The following PRKCE variants were observed in gnomAD, a reference collection of about 807,000 sequenced individuals.
PRKCE encodes protein kinase C epsilon type.
A neutral mutation model predicts 85.4 loss-of-function variants in PRKCE; 16 were observed. That is an observed-to-expected ratio of 0.19 (90% CI 0.13 to 0.28). PRKCE has a LOEUF of 0.28. PRKCE is among the 10% of genes least tolerant of loss of function. The pLI, the probability that PRKCE is intolerant of heterozygous loss-of-function variation, is 1.00. For synonymous variants in PRKCE, 388 were observed against 371.5 expected (o/e 1.04, Z -0.51); for missense variants, 573 against 975.2 (o/e 0.59, Z 5.49).
At chr2:45,836,884 G>A (rs1690925277) in intron 1 of PRKCE, among the ~76,000 whole-genome samples, 1 of 152,174 alleles carries the variant, frequency 6.6e-6, no homozygotes, top group Admixed American at 6.5e-5. Flanking sequence ...TTGCCCTTTT[G>A]CCTCTCTCCA....
chr2:46,154,929 C>T (rs1677052023), intron 13 of PRKCE, among the ~76,000 whole-genome samples: 2 of 152,290 alleles, frequency 1.3e-5, no homozygotes, highest in Admixed American at 1.3e-4. Flanking sequence ...TTCTCAGACG[C>T]GTCCCAAGGG....
intron 2 of PRKCE, among the ~76,000 whole-genome samples, chr2:45,854,858 C>G (rs1466645215): frequency 6.6e-6 from 1 of 152,118 alleles, no homozygotes; most frequent in African/African-American, 2.4e-5. Context: ...TTCTGTGGCT[C>G]CTCTTGCAGC....
chr2:46,162,059 G>T (rs188757776), intron 14 of PRKCE, among the ~76,000 whole-genome samples: 1 of 152,270 alleles, frequency 6.6e-6, no homozygotes, highest in East Asian at 1.9e-4. Context: ...CCACTAACAC[G>T]CAGGCATTGC....
intron 13 of PRKCE, among the ~76,000 whole-genome samples, chr2:46,157,129 A>G (rs1390626107): frequency 6.6e-6 from 1 of 151,828 alleles, no homozygotes; most frequent in African/African-American, 2.4e-5. Flanking sequence ...ACTGCAGAGG[A>G]CTCTCTTGGG....
intron 3 of PRKCE, among the ~76,000 whole-genome samples, chr2:45,977,099 G>T (rs1558910083): frequency 6.6e-6 from 1 of 152,098 alleles, no homozygotes; most frequent in Non-Finnish European, 1.5e-5. Context: ...GTTTCGCCAT[G>T]TTGGCCAGGC....
In PRKCE at chr2:45,691,160, C is replaced by T. The variant is rs528195003; in HGVS notation, c.348+38712C>T. On this transcript the variant is annotated intron_variant, in intron 1 of 14. Transcript: ENST00000306156. The stretch of plus-strand genomic sequence containing the variant: ...AATGGGGCCTTTGGAAACCAGCGAG[C>T]TGTGTCCGTCAGTGGGCTGGGCGGT... Among the ~76,000 whole-genome samples, 4 of 152,294 alleles carry T rather than the reference C, an allele frequency of 2.6e-5. No homozygotes were observed. In the East Asian group the frequency reaches 7.7e-4, roughly 29 times the overall value.
At chr2:45,880,813 A>C (rs1385898797) in intron 2 of PRKCE, among the ~76,000 whole-genome samples, 1 of 152,228 alleles carries the variant, frequency 6.6e-6, no homozygotes, top group Non-Finnish European at 1.5e-5. Flanking sequence ...ATCATAGATC[A>C]GTAAGTACGA....
chr2:45,752,947 G>A (rs1683703392), intron 1 of PRKCE, among the ~76,000 whole-genome samples: 1 of 152,160 alleles, frequency 6.6e-6, no homozygotes, highest in South Asian at 2.1e-4. Flanking sequence ...GCTTTCTGGA[G>A]CATAGACTTA....
chr2:46,152,050 C>A (rs531937529), intron 13 of PRKCE, among the ~76,000 whole-genome samples: 4 of 152,328 alleles, frequency 2.6e-5, no homozygotes, highest in African/African-American at 9.6e-5. Flanking sequence ...ATCTGAATGC[C>A]CCAAAATTCA....
At chr2:46,031,192 G>C (rs1045987413) in intron 10 of PRKCE, among the ~76,000 whole-genome samples, 4 of 152,166 alleles carry the variant, frequency 2.6e-5, no homozygotes, top group Non-Finnish European at 5.9e-5. Context: ...TTTTGTGACC[G>C]TATTTTGAGA....
chr2:46,144,397 G>C (rs547741637), intron 11 of PRKCE, among the ~76,000 whole-genome samples: 6 of 152,104 alleles, frequency 3.9e-5, no homozygotes, highest in Non-Finnish European at 7.4e-5. Flanking sequence ...CAGGCTCTTT[G>C]AGCAAAACAT....
chr2:45,865,762 C>G (rs1693542239), intron 2 of PRKCE, among the ~76,000 whole-genome samples: 2 of 151,660 alleles, frequency 1.3e-5, no homozygotes, highest in South Asian at 4.2e-4. Context: ...GTGCCCTGAT[C>G]TTGGACTTCT....
chr2:45,982,639 T>A (rs530059938), intron 5 of PRKCE, among the ~76,000 whole-genome samples: 27 of 152,304 alleles, frequency 1.8e-4, no homozygotes, highest in African/African-American at 6.3e-4. Flanking sequence ...TGTATCTGTG[T>A]CCTCCTCAGC....
chr2:45,980,204 C>A, intron 4 of PRKCE, 92 bp from the exon 5 acceptor site: 1 of 1,225,528 alleles, frequency 8.2e-7, no homozygotes, highest in East Asian at 2.4e-5. Flanking sequence ...GGCCTGGCTC[C>A]CCTTGTCACT....
At chr2:46,080,838 G>T (rs147286651) in intron 10 of PRKCE, among the ~76,000 whole-genome samples, 4 of 152,132 alleles carry the variant, frequency 2.6e-5, no homozygotes, top group Admixed American at 2.6e-4. Flanking sequence ...CAAATACTGG[G>T]GTGTTGATAT....
intron 14 of PRKCE, among the ~76,000 whole-genome samples, chr2:46,171,301 C>T (rs559303405): frequency 2.0e-5 from 3 of 152,200 alleles, no homozygotes; most frequent in Non-Finnish European, 4.4e-5. Flanking sequence ...CTGGGGTGCC[C>T]CTAATGTCTA....
At chr2:46,108,710 G>T (rs1032139343) in intron 11 of PRKCE, among the ~76,000 whole-genome samples, 1 of 152,192 alleles carries the variant, frequency 6.6e-6, no homozygotes, top group African/African-American at 2.4e-5. Context: ...AAGTCCAACT[G>T]ATCAATTGTT....
chr2:45,860,971 C>T (rs977010271), intron 2 of PRKCE, among the ~76,000 whole-genome samples: 3 of 152,192 alleles, frequency 2.0e-5, no homozygotes, highest in African/African-American at 2.4e-5. Context: ...CAGTGAATAA[C>T]GCAGATCTTT....
chr2:45,935,434 G>C (rs1205516375), intron 2 of PRKCE, among the ~76,000 whole-genome samples: 1 of 152,162 alleles, frequency 6.6e-6, no homozygotes, highest in African/African-American at 2.4e-5. Flanking sequence ...TTTAAAATTT[G>C]CATACTATAC....
Sources: allele counts gnomAD v4.1 joint callset (sites outside exome capture counted in the v4.1 genomes callset), GRCh38; gene constraint gnomAD v4.1.1; transcripts MANE v1.5; gene names NCBI Gene and HGNC (gene_info 2026-07-23, HGNC 2026-07-21).